The following SORCS1 variants were observed in gnomAD, a reference collection of about 807,000 sequenced individuals.
SORCS1 encodes sortilin related VPS10 domain containing receptor 1.
In SORCS1, 60 loss-of-function variants were observed where a neutral mutation model predicts 146.1. The observed-to-expected ratio is 0.41, with a 90% confidence interval of 0.33 to 0.51. The LOEUF (loss-of-function observed/expected upper bound fraction) is 0.51, where lower values mean the gene tolerates loss of function less well. Ranked by LOEUF, SORCS1 falls within the 20% of genes least tolerant of loss-of-function variation. The pLI is 0.21. For synonymous variants in SORCS1, 637 were observed against 584.0 expected (o/e 1.09, Z -1.31); for missense variants, 1,352 against 1,487.6 (o/e 0.91, Z 1.50).
At chr10:107,177,278 T>A in the SORCS1 span, among the ~76,000 whole-genome samples, 1 of 152,188 alleles carries the variant, frequency 6.6e-6, no homozygotes, top group Non-Finnish European at 1.5e-5. Flanking sequence ...AAATTCAGCT[T>A]TTTATTTTGA....
chr10:106,882,655 G>A lies in SORCS1; in HGVS notation c.627-52982C>T, dbSNP rs144680573. ...AGCTTTTTAACCTGAGATTACACAC[G>A]CACACTCACACTCACACACACACAT... On this transcript the variant is annotated intron_variant, in intron 2 of 25. Coordinates refer to ENST00000263054, the MANE Select transcript of SORCS1 (RefSeq NM_052918.5). Among the ~76,000 whole-genome samples, 6 of 151,976 alleles carry A rather than the reference G, an allele frequency of 3.9e-5. No homozygotes were observed. In the East Asian group the frequency reaches 7.8e-4, roughly 20 times the overall value.
rs888105183 is a variant in SORCS1 at position 106,667,748 on chromosome 10, G to A, written c.2244C>T (p.Phe748=). The A allele has an allele frequency of 6.2e-7, 1 of 1,613,974 alleles. No homozygotes were observed. The highest frequency in any genetic ancestry group is 1.3e-5 in the African/African-American group (1 of 74,922). ...SNGQCLPAFW[F]NPSSLSKDCS... ...AATCCTTTGACAGAGAGGATGGATT[G>A]AACCAAAATGCCGGCAGGCACTGGC... The change falls in exon 17 of 26, where the codon TTC becomes TTT. Residue 748 remains phenylalanine, a synonymous_variant. Coordinates refer to ENST00000263054, the MANE Select transcript of SORCS1 (RefSeq NM_052918.5).
intron 1 of SORCS1, among the ~76,000 whole-genome samples, chr10:106,995,268 C>T (rs926576132): frequency 1.0e-4 from 15 of 150,016 alleles, no homozygotes; most frequent in African/African-American, 2.2e-4. Flanking sequence ...GAGCCGAGAT[C>T]GCACCACCGC....
intron 1 of SORCS1, among the ~76,000 whole-genome samples, chr10:107,128,268 T>A (rs927906012): frequency 6.6e-5 from 10 of 152,160 alleles, no homozygotes; most frequent in Non-Finnish European, 1.5e-4. Context: ...TGAGAAAGAA[T>A]TTACACAAAA....
chr10:107,111,636 AGAGT>A (rs1186873208), intron 1 of SORCS1, among the ~76,000 whole-genome samples: 1 of 152,186 alleles, frequency 6.6e-6, no homozygotes, highest in Non-Finnish European at 1.5e-5. Flanking sequence ...GAAAGGAGAG[AGAGT>A]AAGAGACAGA....
chr10:106,971,028 G>C (rs1477078540), intron 1 of SORCS1, among the ~76,000 whole-genome samples: 1 of 151,392 alleles, frequency 6.6e-6, no homozygotes, highest in African/African-American at 2.4e-5. Context: ...GGGATTACAG[G>C]TGTGAGCCAC....
At chr10:106,964,043 G>A in intron 1 of SORCS1, among the ~76,000 whole-genome samples, 1 of 152,208 alleles carries the variant, frequency 6.6e-6, no homozygotes, top group Non-Finnish European at 1.5e-5. Flanking sequence ...GAAGATGAGT[G>A]TGATTCTGAT....
chr10:106,878,440 C>T (rs1337874015), intron 2 of SORCS1, among the ~76,000 whole-genome samples: 1 of 151,232 alleles, frequency 6.6e-6, no homozygotes, highest in Non-Finnish European at 1.5e-5. Context: ...AGGGCAGAGA[C>T]CTCATTACTG....
intron 19 of SORCS1, among the ~76,000 whole-genome samples, chr10:106,622,289 GAAAAAAAAAAAA>G (rs554464573): frequency 2.6e-4 from 10 of 39,052 alleles, no homozygotes; most frequent in East Asian, 1.6e-3. Context: ...ATTCCATCTC[GAAAAAAAAAAAA>G]AAAAAAAAAA....
At chr10:106,644,718 A>G (rs1849297079) in intron 18 of SORCS1, among the ~76,000 whole-genome samples, 1 of 152,224 alleles carries the variant, frequency 6.6e-6, no homozygotes, top group African/African-American at 2.4e-5. Context: ...AAATGGAATA[A>G]TGCAACATAT....
chr10:107,082,790 T>A (rs1590093211), intron 1 of SORCS1, among the ~76,000 whole-genome samples: 2 of 152,286 alleles, frequency 1.3e-5, no homozygotes, highest in East Asian at 1.9e-4. Flanking sequence ...TGTTTCATTT[T>A]GTTTTGTTTT....
intron 5 of SORCS1, among the ~76,000 whole-genome samples, chr10:106,750,173 T>C (rs1273480346): frequency 6.6e-6 from 1 of 152,148 alleles, no homozygotes; most frequent in African/African-American, 2.4e-5. Flanking sequence ...GGATTTTTTT[T>C]CCCTCTTACC....
At chr10:106,979,172 G>A (rs764633413) in intron 1 of SORCS1, among the ~76,000 whole-genome samples, 14 of 152,126 alleles carry the variant, frequency 9.2e-5, no homozygotes, top group Non-Finnish European at 1.9e-4. Context: ...TATAGGAAAA[G>A]GTAAGAGAAT....
intron 3 of SORCS1, among the ~76,000 whole-genome samples, chr10:106,788,220 A>G (rs1194418753): frequency 2.0e-5 from 3 of 152,098 alleles, no homozygotes; most frequent in Admixed American, 2.0e-4. Flanking sequence ...CTCCTTCAAC[A>G]CCCAGGAATT....
chr10:106,699,380 A>G lies in SORCS1; in HGVS notation c.1247T>C (p.Ile416Thr). ...KYALPKDMHV[I>T]STDENQVFAA... is the part of the protein sequence containing the mutation. ...GAACACCTGATTCTCATCGGTGCTG[A>G]TAACATGCATGTCCTGTGAAAAGAC... The change falls in exon 9 of 26, where the codon ATC becomes ACC. Residue 416 changes from isoleucine (I) to threonine (T), a missense_variant. This residue lies in a region of SORCS1 where 648 missense variants were observed against 793.8 expected (regional missense o/e 0.82). Coordinates refer to ENST00000263054, the MANE Select transcript of SORCS1 (RefSeq NM_052918.5). 1 of 1,612,006 alleles carries G rather than the reference A, an allele frequency of 6.2e-7. No individual in the cohort carries two copies. The highest frequency in any genetic ancestry group is 8.5e-7 in the Non-Finnish European group (1 of 1,178,920).
At chr10:106,633,053 G>C (rs1174851260) in intron 18 of SORCS1, among the ~76,000 whole-genome samples, 3 of 152,050 alleles carry the variant, frequency 2.0e-5, no homozygotes, top group African/African-American at 7.2e-5. Context: ...ACAAGAACAT[G>C]TTACCAAATG....
chr10:106,796,935 C>T (rs1203261714), intron 3 of SORCS1, among the ~76,000 whole-genome samples: 2 of 152,190 alleles, frequency 1.3e-5, no homozygotes, highest in South Asian at 2.1e-4. Flanking sequence ...GGTGAAATCC[C>T]GTCTCTACTA....
intron 6 of SORCS1, among the ~76,000 whole-genome samples, chr10:106,724,133 C>T (rs879621603): frequency 2.6e-5 from 4 of 152,090 alleles, no homozygotes; most frequent in Non-Finnish European, 5.9e-5. Flanking sequence ...GCAACAAAGT[C>T]GCTTATATTG....
At chr10:107,130,057 A>C (rs1966851047) in intron 1 of SORCS1, among the ~76,000 whole-genome samples, 1 of 152,238 alleles carries the variant, frequency 6.6e-6, no homozygotes, top group Non-Finnish European at 1.5e-5. Flanking sequence ...AGAACAAACT[A>C]TCAAGGAAGA....
Sources: gnomAD v4.1 joint callset for allele counts (sites outside exome capture counted in the v4.1 genomes callset) on GRCh38, gnomAD v4.1.1 for gene constraint, gnomAD v4.1.1 regional missense constraint, MANE v1.5 for transcripts, NCBI Gene and HGNC (gene_info 2026-07-23, HGNC 2026-07-21) for gene names.